HDGF: variants seen among roughly 807,000 people sequenced by gnomAD.
HDGF encodes the protein hepatoma-derived growth factor.
In HDGF, 5 loss-of-function variants were observed where a neutral mutation model predicts 30.0. The ratio of observed to expected loss-of-function variants is 0.17; its 90% CI spans 0.09 to 0.35. The LOEUF (loss-of-function observed/expected upper bound fraction) is 0.35. HDGF is among the 10% of genes least tolerant of loss of function. The probability of loss-of-function intolerance (pLI) is 1.00; values close to 1 mark genes in which losing one functional copy is unlikely to be tolerated. For synonymous variants in HDGF, 133 were observed against 112.7 expected (o/e 1.18, Z -1.14); for missense variants, 214 against 302.8 (o/e 0.71, Z 2.18).
chr1:156,745,737 G>A (rs535285932), intron 1 of HDGF, among the ~76,000 whole-genome samples: 6 of 152,184 alleles, frequency 3.9e-5, no homozygotes, highest in Non-Finnish European at 8.8e-5. Flanking sequence ...CAAGGATTTC[G>A]TCCCCTTGCT....
At chr1:156,747,321 A>C (rs1344242523) in intron 1 of HDGF, 1 of 125,996 alleles carries the variant, frequency 7.9e-6, no homozygotes, top group African/African-American at 3.0e-5. Flanking sequence ...CCCCACCCCC[A>C]AGCCTGCAGT....
rs953749189 is a variant in HDGF, at chr1:156,751,197, G to C, written c.87+146C>G. ...CCACCATTATATAACCGGCGGGTGG[G>C]CTTGGAAGCGACAGAGAAAGAGCCG... On this transcript the variant is annotated intron_variant, in intron 1 of 5. Coordinates refer to ENST00000357325, the MANE Select transcript of HDGF (RefSeq NM_004494.3). The surrounding 1 kb of genome is among the most constrained non-coding windows in gnomAD (Gnocchi z 4.7). 1 of 1,128,506 alleles carries C rather than the reference G, an allele frequency of 8.9e-7. No individual in the cohort carries two copies. Among genetic ancestry groups the C allele is most frequent in the East Asian group, 3.4e-5 (1 of 29,090 alleles). The allele number at this position is 1,128,506 out of a possible 1,614,324, so 69.9% of individuals were successfully genotyped here.
intron 1 of HDGF, among the ~76,000 whole-genome samples, chr1:156,764,046 T>C (rs1285667376): frequency 1.3e-5 from 2 of 151,132 alleles, no homozygotes; most frequent in African/African-American, 4.9e-5. Context: ...ACTACAGGTG[T>C]GTGCCACCAT....
At position 156,743,783 on chromosome 1, in the gene HDGF, C is replaced by T. The variant is rs61759002; in HGVS notation, c.585G>A (p.Val195=). 3,302 of 1,603,518 alleles carry T rather than the reference C, an allele frequency of 2.1e-3. 12 individuals are homozygous for T. The highest frequency in any genetic ancestry group is 2.6e-3 in the Non-Finnish European group (3,026 of 1,174,980). The change falls in exon 5 of 6, where the codon GTG becomes GTA. Residue 195 remains valine, a synonymous_variant. Transcript: ENST00000357325. ...LEVERPLPME[V]EKNSTPSEPG... ...GCTCAGAGGGGGTGCTATTCTTTTC[C>T]ACCTCCATAGGAAGGGGCCTCTCAA...
chr1:156,744,791 C>A (rs1650409271), intron 3 of HDGF, among the ~76,000 whole-genome samples: 1 of 152,140 alleles, frequency 6.6e-6, no homozygotes, highest in African/African-American at 2.4e-5. Flanking sequence ...TCTTGCCCCC[C>A]AGACTGCTGT....
At chr1:156,765,472 C>CTTTTTTTT (rs71080793) in intron 1 of HDGF, among the ~76,000 whole-genome samples, 90 of 85,980 alleles carry the variant, frequency 1.0e-3, no homozygotes, top group East Asian at 1.5e-3. Context: ...TTCTTTCTTT[C>CTTTTTTTT]TTTTTTTTTT....
chr1:156,753,755 T>C (rs924618926), upstream of HDGF, among the ~76,000 whole-genome samples: 4 of 151,590 alleles, frequency 2.6e-5, no homozygotes, highest in Non-Finnish European at 5.9e-5. Context: ...TTCACCATGT[T>C]GGTCAGCCTG....
Position 156,757,546 on chromosome 1 carries a change from A to T in HDGF, n.373+1437T>A, listed in dbSNP as rs1201108636. 2.6e-5 allele frequency among the ~76,000 whole-genome samples: 4 copies of T among 152,114 alleles called. No individual in the cohort carries two copies. In the South Asian group the frequency reaches 8.3e-4, roughly 32 times the overall value. ...GGTGGCTCACACCTGTAATCCCAGC[A>T]CTTTGGGAAGCCAAAGCGGGTGGAT... On this transcript the variant is annotated intron_variant and non_coding_transcript_variant, in intron 2 of 7. Transcript: ENST00000465180.
chr1:156,755,452 C>G (rs1651139582), upstream of HDGF: 1 of 152,178 alleles, frequency 6.6e-6, no homozygotes, highest in South Asian at 2.1e-4. Context: ...TGTTTACTGG[C>G]TTTAGGGCTT....
chr1:156,754,495 C>G (rs1463248448), upstream of HDGF, among the ~76,000 whole-genome samples: 1 of 152,206 alleles, frequency 6.6e-6, no homozygotes, highest in Non-Finnish European at 1.5e-5. Context: ...CGTCATCAAC[C>G]AACTCGCAGC....
At chr1:156,751,802 T>C (rs1446113828), upstream of HDGF, 2 of 771,658 alleles carry the variant, frequency 2.6e-6, no homozygotes, top group Non-Finnish European at 3.0e-6. This position sits in a 1 kb window ranked among gnomAD's most constrained non-coding sequence, Gnocchi z 4.7. Context: ...TCGCGCTCCC[T>C]CCCGCGGCGG....
chr1:156,752,010 C>G (rs1651018729), upstream of HDGF: 3 of 1,547,226 alleles, frequency 1.9e-6, no homozygotes, highest in Non-Finnish European at 2.6e-6. Flanking sequence ...CGGCCCCCGC[C>G]CTTCCCCCGA....
chr1:156,752,976 C>G (rs574189658), upstream of HDGF, among the ~76,000 whole-genome samples: 1 of 152,212 alleles, frequency 6.6e-6, no homozygotes, highest in Non-Finnish European at 1.5e-5. Context: ...TCCTACCCTG[C>G]TGTTCATCTG....
intron 3 of HDGF, among the ~76,000 whole-genome samples, chr1:156,744,768 G>A (rs1040914088): frequency 6.6e-6 from 1 of 151,702 alleles, no homozygotes. Context: ...CCCACTTACC[G>A]CCTCCATCCT....
upstream of HDGF, chr1:156,752,093 C>T (rs553808858): frequency 4.4e-5 from 68 of 1,551,610 alleles, no homozygotes; most frequent in Middle Eastern, 3.3e-4. Context: ...TCCGCCTGCC[C>T]TCTGCTCCAT....
At position 156,751,567 on chromosome 1, in the gene HDGF, CCGGCGCGGCCA is replaced by C; in HGVS notation, c.-149_-139del. 1.0e-6 allele frequency: 1 copy of C among 987,514 alleles called. No individual in the cohort carries two copies. Among genetic ancestry groups the C allele is most frequent in the Non-Finnish European group, 1.2e-6 (1 of 832,188 alleles). 61.2% of individuals were successfully genotyped at this position (987,514 alleles called of 1,614,324 possible). On this transcript the variant is annotated 5_prime_UTR_variant, in exon 1 of 6. Coordinates refer to ENST00000357325, the MANE Select transcript of HDGF (RefSeq NM_004494.3). The surrounding 1 kb of genome is among the most constrained non-coding windows in gnomAD (Gnocchi z 4.7). ...TCGATGGTGGCCCCCGGCCCGAGCT[CCGGCGCGGCCA>C]CGGCGTCTCCGCCCGCGCGCCGCAC...
chr1:156,758,915 G>C (rs1412036255), intron 2 of HDGF: 1 of 152,448 alleles, frequency 6.6e-6, no homozygotes, highest in East Asian at 1.9e-4. Context: ...TGCAGAGGTG[G>C]AAGGGCCTGA....
At chr1:156,759,108 T>G (rs1651201327) in exon 2 of HDGF, 1 of 152,156 alleles carries the variant, frequency 6.6e-6, no homozygotes, top group Non-Finnish European at 1.5e-5. Context: ...ATCTTCAACC[T>G]TAGTAGGGCA....
upstream of HDGF, chr1:156,752,545 G>C (rs570421628): frequency 4.9e-6 from 3 of 610,578 alleles, no homozygotes; most frequent in African/African-American, 3.7e-5. Flanking sequence ...TGGGGAGGGG[G>C]GTCTGGGAAG....
Sources: allele counts gnomAD v4.1 joint callset (sites outside exome capture counted in the v4.1 genomes callset), GRCh38; gene constraint gnomAD v4.1.1; non-coding constraint Gnocchi (gnomAD v3.1); transcripts MANE v1.5; gene names NCBI Gene and HGNC (gene_info 2026-07-23, HGNC 2026-07-21).